The following PCDHA9 variants were observed in gnomAD, a reference collection of about 807,000 sequenced individuals.
PCDHA9 encodes protocadherin alpha-9.
In PCDHA9, 62 loss-of-function variants were observed where a neutral mutation model predicts 62.0. That is an observed-to-expected ratio of 1.00 (90% CI 0.81 to 1.23). The LOEUF is 1.23. Ranked by LOEUF, PCDHA9 falls within the 50% of genes most tolerant of loss-of-function variation. PCDHA9 has a pLI of 0.00. For synonymous variants in PCDHA9, 557 were observed against 567.6 expected (o/e 0.98, Z 0.27); for missense variants, 1,205 against 1,249.8 (o/e 0.96, Z 0.54).
At chr5:140,941,253 T>TTCTTTCTTTCTC (rs1563187863) in intron 1 of PCDHA9, among the ~76,000 whole-genome samples, 4 of 64,962 alleles carry the variant, frequency 6.2e-5, no homozygotes, top group Non-Finnish European at 1.0e-4. Flanking sequence ...CTTTCTTTCT[T>TTCTTTCTTTCTC]TCTCTTTCTT....
At chr5:140,853,680 C>CTATCCTTAGACCTGCTAACGCATTAGCAT in intron 1 of PCDHA9, 1 of 988,078 alleles carries the variant, frequency 1.0e-6, no homozygotes, top group South Asian at 4.7e-5. Context: ...TATGGTCAAC[C>CTATCCTTAGACCTGCTAACGCATTAGCAT]TATCCTTAGA....
At chr5:140,947,140 A>G (rs2094093806) in intron 1 of PCDHA9, among the ~76,000 whole-genome samples, 1 of 151,464 alleles carries the variant, frequency 6.6e-6, no homozygotes, top group Admixed American at 6.6e-5. Context: ...AGTAAAATGT[A>G]TAGTTACTTC....
At chr5:140,986,246 C>G (rs561365390) in intron 3 of PCDHA9, among the ~76,000 whole-genome samples, 1 of 152,296 alleles carries the variant, frequency 6.6e-6, no homozygotes, top group South Asian at 2.1e-4. Flanking sequence ...TGAGCAGACC[C>G]GGACCACAGG....
intron 1 of PCDHA9, chr5:140,927,923 C>G: frequency 1.2e-6 from 2 of 1,614,232 alleles, no homozygotes; most frequent in Non-Finnish European, 1.7e-6. Context: ...GACTTCCTGA[C>G]TCTTTCGAAC....
intron 1 of PCDHA9, among the ~76,000 whole-genome samples, chr5:140,931,749 G>A (rs368438680): frequency 2.0e-5 from 3 of 151,878 alleles, no homozygotes; most frequent in East Asian, 3.9e-4. Context: ...ATTCACAAAG[G>A]CATTTGTTAT....
rs2150413106 is a variant in PCDHA9, at chr5:140,848,576, GA to G, written c.82del (p.Ser28AlafsTer50). The G allele has an allele frequency of 8.8e-6, 14 of 1,595,434 alleles. No homozygotes were observed. The Admixed American group carries it at 2.0e-4, about 23-fold the overall frequency. On this transcript the variant is annotated frameshift_variant, in exon 1 of 4. Transcript: ENST00000532602. LOFTEE classifies it high-confidence loss of function. Reference sequence around the variant, plus strand: ...TGATCCTCGCAATGTGGGTGGTGGGGAGCGGCCAGCTCCACTACTCCGTCCC... The same window carrying G: ...TGATCCTCGCAATGTGGGTGGTGGGGGCGGCCAGCTCCACTACTCCGTCCC... ...LLILAMWVVG[S>X]GQLHYSVPEE...
At chr5:140,857,970 C>A (rs782641512) in intron 1 of PCDHA9, 1 of 1,596,952 alleles carries the variant, frequency 6.3e-7, no homozygotes, top group Non-Finnish European at 8.6e-7. Flanking sequence ...GAGACTGACT[C>A]GCCACGCCAG....
Position 140,849,490 on chromosome 5 carries a change from G to A in PCDHA9, c.995G>A (p.Gly332Asp). Residue 332 changes from glycine to aspartate, a missense_variant, in exon 1 of 4, where the codon GGT (glycine) becomes GAT (aspartate). Physicochemically the swap from Gly to Asp is moderately conservative, Grantham distance 94. Transcript: ENST00000532602. The stretch of plus-strand genomic sequence containing the variant: ...GATAAAGGCTTCCCACCCCTGGCTG[G>A]TCATTGTACACTTCTTGTGGAAGTT... ...AVDKGFPPLA[G>D]HCTLLVEVVD... 6.3e-7 allele frequency: 1 copy of A among 1,592,564 alleles called. No homozygotes were observed. The highest frequency in any genetic ancestry group is 1.4e-5 in the African/African-American group (1 of 73,284).
chr5:141,009,174 G>A (rs1281128951), intron 3 of PCDHA9, among the ~76,000 whole-genome samples: 1 of 152,228 alleles, frequency 6.6e-6, no homozygotes, highest in African/African-American at 2.4e-5. Flanking sequence ...ACTGGCCTTG[G>A]CTGGGTGTGG....
In PCDHA9 at chr5:140,850,723, G is replaced by A; in HGVS notation, c.2228G>A (p.Ser743Asn). ...GGCAAGCCGACGCTGGTGTGTTCTA[G>A]CGCGGTGGGGAGTTGGTCGTACTCG... Reference protein sequence around the residue: ...APGKPTLVCSSAVGSWSYSQQ... With the variant: ...APGKPTLVCSNAVGSWSYSQQ... The change falls in exon 1 of 4, where the codon AGC (serine) becomes AAC (asparagine). Residue 743 changes from serine to asparagine, a missense_variant. This residue lies in a region of PCDHA9 where 887 missense variants were observed against 809.5 expected (regional missense o/e 1.10). Coordinates refer to ENST00000532602, the MANE Select transcript of PCDHA9 (RefSeq NM_031857.2). 17 of 1,598,038 alleles carry A rather than the reference G, an allele frequency of 1.1e-5. 1 individual carries two copies. The highest frequency in any genetic ancestry group is 1.5e-5 in the Non-Finnish European group (17 of 1,167,660).
chr5:140,961,278 C>T (rs1205288915), intron 1 of PCDHA9, among the ~76,000 whole-genome samples: 1 of 152,192 alleles, frequency 6.6e-6, no homozygotes, highest in Non-Finnish European at 1.5e-5. Context: ...TTTACCATGG[C>T]TCTGTTTCTT....
chr5:140,907,439 A>T (rs1217956706), intron 1 of PCDHA9, among the ~76,000 whole-genome samples: 1 of 152,250 alleles, frequency 6.6e-6, no homozygotes, highest in Non-Finnish European at 1.5e-5. Flanking sequence ...CTGTGAGTCC[A>T]CAGATGGTAA....
intron 1 of PCDHA9, among the ~76,000 whole-genome samples, chr5:140,950,508 C>T (rs1442075303): frequency 6.6e-6 from 1 of 152,016 alleles, no homozygotes; most frequent in African/African-American, 2.4e-5. Context: ...TCATTATTCC[C>T]TGTGTGCGAT....
intron 1 of PCDHA9, among the ~76,000 whole-genome samples, chr5:140,941,191 T>TTTCTTTCTTCCTTTCTTCCTTTC (rs1487503403): frequency 1.1e-5 from 1 of 93,258 alleles, no homozygotes; most frequent in African/African-American, 3.9e-5. Flanking sequence ...GCTTCTTTTT[T>TTTCTTTCTTCCTTTCTTCCTTTC]TTTCTTTCTT....
chr5:140,868,737 T>C (rs1479223301), intron 1 of PCDHA9: 1 of 203,404 alleles, frequency 4.9e-6, no homozygotes, highest in African/African-American at 2.3e-5. Context: ...AATCGAGAAA[T>C]ACAATGCCAT....
rs960845779 is a variant in PCDHA9, at chr5:140,852,795, A to G, written c.2394+1906A>G. 2.0e-5 allele frequency: 20 copies of G among 977,252 alleles called. 2 individuals are homozygous for G. In the African/African-American group the frequency reaches 2.8e-4, roughly 14 times the overall value. 60.5% of individuals were successfully genotyped at this position (977,252 alleles called of 1,614,324 possible). A position where few individuals can be genotyped will look rare whatever the true frequency, so the allele number is the denominator to read the frequency against. ...TGATGTGAATAGAGGGATGCTACAG[A>G]TGTCATTTGTCTCCCGCCCTAAGTC... On this transcript the variant is annotated intron_variant, in intron 1 of 3. Coordinates refer to ENST00000532602, the MANE Select transcript of PCDHA9 (RefSeq NM_031857.2).
intron 1 of PCDHA9, chr5:140,870,013 A>C: frequency 6.2e-7 from 1 of 1,613,716 alleles, no homozygotes; most frequent in Non-Finnish European, 8.5e-7. Context: ...AGTGAGGGTC[A>C]ATGGAACTTT....
chr5:140,967,119 T>C lies in PCDHA9; in HGVS notation c.2395-11830T>C, dbSNP rs374670692. 97 of 1,612,790 alleles carry C rather than the reference T, an allele frequency of 6.0e-5. No homozygotes were observed. The highest frequency in any genetic ancestry group is 8.1e-5 in the Non-Finnish European group (95 of 1,179,410). The stretch of plus-strand genomic sequence containing the variant: ...CTGTGTGAGCAGCGGCCTCGCTGCC[T>C]GCTCAGCTTGGAAGTGCTGGCGCAC... On this transcript the variant is annotated intron_variant, in intron 1 of 3. Transcript: ENST00000532602.
intron 1 of PCDHA9, among the ~76,000 whole-genome samples, chr5:140,941,777 T>C (rs903102270): frequency 6.6e-6 from 1 of 152,262 alleles, no homozygotes; most frequent in Admixed American, 6.5e-5. Context: ...ATTGTTTTAA[T>C]GTTTTACCCA....
Sources: allele counts gnomAD v4.1 joint callset (sites outside exome capture counted in the v4.1 genomes callset), GRCh38; gene constraint gnomAD v4.1.1; regional missense constraint gnomAD v4.1.1; transcripts MANE v1.5; gene names NCBI Gene and HGNC (gene_info 2026-07-23, HGNC 2026-07-21).